Variants in FAM184A observed in about 807,000 individuals in gnomAD.
FAM184A encodes family with sequence similarity 184 member A.
Under a neutral mutation model 143.8 loss-of-function variants are expected in FAM184A, and 99 were observed. The ratio of observed to expected loss-of-function variants is 0.69; its 90% CI spans 0.58 to 0.81. FAM184A has a LOEUF of 0.81. Among genes scored for constraint, FAM184A ranks in the 40% least tolerant of loss-of-function variants. The probability of loss-of-function intolerance (pLI) is 0.00; values close to 1 mark genes in which losing one functional copy is unlikely to be tolerated. For missense variants in FAM184A, 1,217 were observed against 1,310.5 expected (o/e 0.93, Z 1.10); for synonymous variants, 427 against 446.4 (o/e 0.96, Z 0.55).
At chr6:118,960,732 T>G (rs1403324712) in intron 17 of FAM184A, 2 of 1,137,932 alleles carry the variant, frequency 1.8e-6, no homozygotes, top group African/African-American at 3.2e-5. Flanking sequence ...TAACTAAAGA[T>G]TCTTTGGGCT....
intron 9 of FAM184A, among the ~76,000 whole-genome samples, chr6:118,985,856 G>C (rs923099857): frequency 9.2e-5 from 14 of 152,174 alleles, no homozygotes; most frequent in African/African-American, 3.4e-4. Flanking sequence ...CTTAGTAGAG[G>C]ACAGTAGGAA....
At position 119,018,741 on chromosome 6, in the gene FAM184A, C is replaced by T. The variant is rs117862649; in HGVS notation, c.1332+1237G>A. Among the ~76,000 whole-genome samples the T allele has an allele frequency of 1.0e-3, 157 of 152,070 alleles. 2 individuals are homozygous for T. In the East Asian group the frequency reaches 0.029, roughly 28 times the overall value. ...TAATCCAGGCAAGCAATGACACGTG[C>T]CTAAACCTCGGATCTATAAATGGGT... On this transcript the variant is annotated intron_variant, in intron 4 of 17. Coordinates refer to ENST00000338891, the MANE Select transcript of FAM184A (RefSeq NM_024581.6).
chr6:119,084,399 G>A (rs1401361171), intron 1 of FAM184A, among the ~76,000 whole-genome samples: 1 of 152,186 alleles, frequency 6.6e-6, no homozygotes, highest in Non-Finnish European at 1.5e-5. Context: ...AAATCTTAAA[G>A]CTCCCAAATA....
intron 1 of FAM184A, among the ~76,000 whole-genome samples, chr6:119,076,164 G>A (rs1404303237): frequency 6.6e-6 from 1 of 152,144 alleles, no homozygotes; most frequent in Non-Finnish European, 1.5e-5. Flanking sequence ...TGCCAGGGAT[G>A]CTGCCAAACA....
intron 1 of FAM184A, among the ~76,000 whole-genome samples, chr6:119,066,700 T>C (rs1386065463): frequency 6.6e-6 from 1 of 152,236 alleles, no homozygotes; most frequent in Non-Finnish European, 1.5e-5. Context: ...CCAGGACAGT[T>C]ATCTTTGCCA....
At chr6:119,038,846 G>C (rs1786210700) in intron 1 of FAM184A, among the ~76,000 whole-genome samples, 1 of 152,080 alleles carries the variant, frequency 6.6e-6, no homozygotes, top group Non-Finnish European at 1.5e-5. Flanking sequence ...TCAGGGATGA[G>C]TACAAAAAGC....
chr6:118,969,811 T>TCCA (rs1783620794), intron 14 of FAM184A, among the ~76,000 whole-genome samples: 4 of 75,442 alleles, frequency 5.3e-5, no homozygotes, highest in African/African-American at 2.3e-4. Context: ...CCCCACCCCG[T>TCCA]GACAGGCCCT....
chr6:119,129,691 T>C (rs1471425945), intron 1 of FAM184A, among the ~76,000 whole-genome samples: 1 of 149,726 alleles, frequency 6.7e-6, no homozygotes, highest in African/African-American at 2.4e-5. Flanking sequence ...GGGGTGTTTT[T>C]TGGTTTCATT....
At chr6:119,134,416 C>A (rs1021491145) in intron 1 of FAM184A, among the ~76,000 whole-genome samples, 2 of 151,878 alleles carry the variant, frequency 1.3e-5, no homozygotes, top group Non-Finnish European at 2.9e-5. Flanking sequence ...GCGGGGGGTG[C>A]CAAGATGAGA....
At position 119,078,260 on chromosome 6, in the gene FAM184A, C is replaced by T. The variant is rs1787951546; in HGVS notation, c.40G>A (p.Gly14Ser). Residue 14 changes from glycine to serine, a missense_variant, in exon 1 of 18, where the codon GGC (glycine) becomes AGC (serine). Transcript: ENST00000338891. The surrounding 1 kb of genome is among the most constrained non-coding windows in gnomAD (Gnocchi z 5.5). ...PGMSWQQHYY[G>S]GSAAKFAPSP... ...GGCGCGAATTTGGCCGCCGAGCCGCCGTAATAGTGCTGCTGCCAGCTCATG... is the reference window on the plus strand; with the variant it reads ...GGCGCGAATTTGGCCGCCGAGCCGCTGTAATAGTGCTGCTGCCAGCTCATG... 6.5e-7 allele frequency: 1 copy of T among 1,534,366 alleles called. No homozygotes were observed. The highest frequency in any genetic ancestry group is 1.2e-5 in the South Asian group (1 of 83,142).
intron 1 of FAM184A, among the ~76,000 whole-genome samples, chr6:119,031,775 C>T (rs1785880276): frequency 6.6e-6 from 1 of 152,208 alleles, no homozygotes; most frequent in South Asian, 2.1e-4. Context: ...CTTAACATTG[C>T]TAAGGTAAGG....
chr6:119,023,164 C>G (rs1182640748), intron 2 of FAM184A, 84 bp from the exon 3 acceptor site: 1 of 1,454,414 alleles, frequency 6.9e-7, no homozygotes, highest in African/African-American at 1.4e-5. Context: ...GGTCAGCTTT[C>G]TCTTATTCAG....
rs372623087 is a variant in FAM184A at position 119,069,866 on chromosome 6, T to C, written c.159+8275A>G. On this transcript the variant is annotated intron_variant, in intron 1 of 17. Transcript: ENST00000338891. ...TCGCATAAATAGGAATTTACCCTGT[T>C]ATTTTACTAAAATTATCAATTTTAT... Among the ~76,000 whole-genome samples, 28 of 152,040 alleles carry C rather than the reference T, an allele frequency of 1.8e-4. No homozygotes were observed. In the East Asian group the frequency reaches 2.1e-3, roughly 12 times the overall value.
intron 1 of FAM184A, among the ~76,000 whole-genome samples, chr6:119,130,974 C>T (rs1383836665): frequency 6.6e-6 from 1 of 151,342 alleles, no homozygotes; most frequent in Non-Finnish European, 1.5e-5. Context: ...CTCCCTGCCT[C>T]ATCCTCCTGA....
intron 14 of FAM184A, among the ~76,000 whole-genome samples, chr6:118,973,009 C>T (rs181292885): frequency 3.3e-5 from 5 of 152,226 alleles, no homozygotes; most frequent in Admixed American, 2.6e-4. Context: ...CTCAGAGTGA[C>T]CAGGGAAGTA....
chr6:118,991,415 G>A (rs1054063373), intron 9 of FAM184A, among the ~76,000 whole-genome samples: 1 of 151,920 alleles, frequency 6.6e-6, no homozygotes, highest in Non-Finnish European at 1.5e-5. Flanking sequence ...CACCTACCTC[G>A]GCCTCCTAAA....
rs1363747794 is a variant in FAM184A, at chr6:119,024,020, C to T, written c.953G>A (p.Ser318Asn). 6.2e-7 allele frequency: 1 copy of T among 1,611,484 alleles called. No homozygotes were observed. The highest frequency in any genetic ancestry group is 8.5e-7 in the Non-Finnish European group (1 of 1,179,428). The stretch of plus-strand genomic sequence containing the variant: ...AAGCTTTTGGCATTTGTCAAGAAGA[C>T]TTCCAGCTTCATCCTGTACCATCTG... Reference protein sequence around the residue: ...ELQMVQDEAGSLLDKCQKLQT... With the variant: ...ELQMVQDEAGNLLDKCQKLQT... Residue 318 changes from serine (S) to asparagine (N), a missense_variant, in exon 2 of 18, where the codon AGT (serine) becomes AAT (asparagine). Physicochemically the swap from Ser to Asn is conservative, Grantham distance 46 (BLOSUM62 1). Coordinates refer to ENST00000338891, the MANE Select transcript of FAM184A (RefSeq NM_024581.6).
chr6:119,077,280 C>T (rs1035895062), intron 1 of FAM184A, among the ~76,000 whole-genome samples: 2 of 152,238 alleles, frequency 1.3e-5, no homozygotes, highest in Middle Eastern at 3.4e-3. Flanking sequence ...TCCTAACAAG[C>T]TGTTAGGAGA....
At chr6:119,102,951 A>T (rs1788684405) in intron 1 of FAM184A, among the ~76,000 whole-genome samples, 1 of 152,132 alleles carries the variant, frequency 6.6e-6, no homozygotes, top group Admixed American at 6.5e-5. Flanking sequence ...CTCCCTTCTT[A>T]TTCTTTCTTA....
Sources: allele counts gnomAD v4.1 joint callset (sites outside exome capture counted in the v4.1 genomes callset), GRCh38; gene constraint gnomAD v4.1.1; non-coding constraint Gnocchi (gnomAD v3.1); transcripts MANE v1.5; gene names NCBI Gene and HGNC (gene_info 2026-07-23, HGNC 2026-07-21).